Variants in CHD8 observed in about 807,000 individuals in gnomAD.
The protein encoded by CHD8 is chromodomain helicase DNA binding protein 8, also known as ATP-dependent chromatin remodeler CHD8.
Under a neutral mutation model 279.2 loss-of-function variants are expected in CHD8, and 31 were observed. The ratio of observed to expected loss-of-function variants is 0.11; its 90% confidence interval spans 0.08 to 0.15. The LOEUF (loss-of-function observed/expected upper bound fraction) is 0.15. Ranked by LOEUF, CHD8 falls within the 10% of genes least tolerant of loss-of-function variation. CHD8 has a pLI of 1.00. For synonymous variants in CHD8, 1,081 were observed against 1,139.6 expected (o/e 0.95, Z 1.04); for missense variants, 2,146 against 3,230.5 (o/e 0.66, Z 8.14).
chr14:21,392,898 G>A (rs900854746), intron 33 of CHD8, 89 bp from the exon 34 acceptor site: 25 of 1,379,956 alleles, frequency 1.8e-5, no homozygotes, highest in Non-Finnish European at 2.4e-5. Flanking sequence ...TCACTACCAG[G>A]ATGGGTAAAA....
At chr14:21,401,636 G>T in intron 20 of CHD8, 123 bp from the exon 21 acceptor site, 1 of 647,230 alleles carries the variant, frequency 1.5e-6, no homozygotes, top group Non-Finnish European at 2.6e-6. Context: ...CCAGGCTGGG[G>T]TACAGTGGCA....
intron 9 of CHD8, among the ~76,000 whole-genome samples, chr14:21,413,313 C>T (rs1384966968): frequency 1.3e-5 from 2 of 152,040 alleles, no homozygotes; most frequent in Non-Finnish European, 2.9e-5. Flanking sequence ...CGTATATGTT[C>T]CACATTTCAC....
chr14:21,441,700 A>G (rs188980402), intron 1 of CHD8, among the ~76,000 whole-genome samples: 43 of 152,112 alleles, frequency 2.8e-4, no homozygotes, highest in East Asian at 1.4e-3. Context: ...CATCCTGGCT[A>G]ACACGGTGAA....
intron 5 of CHD8, among the ~76,000 whole-genome samples, chr14:21,424,685 A>G (rs966521486): frequency 3.3e-5 from 5 of 152,182 alleles, no homozygotes; most frequent in African/African-American, 1.2e-4. Flanking sequence ...GTTAGCCAGG[A>G]TGGTCTCAAT....
In CHD8 at chr14:21,418,275, T is replaced by C. The variant is rs529874964; in HGVS notation, c.1717-2368A>G. ...GATCACGCCTGTAATCCCAGCACTT[T>C]GGAAGGCCAAGGCGGGCAGATCATT... On this transcript the variant is annotated intron_variant, in intron 5 of 37. Transcript: ENST00000646647. Among the ~76,000 whole-genome samples, 6 of 152,226 alleles carry C rather than the reference T, an allele frequency of 3.9e-5. No individual in the cohort carries two copies. The South Asian group carries it at 6.2e-4, about 16-fold the overall frequency.
intron 1 of CHD8, among the ~76,000 whole-genome samples, chr14:21,448,983 G>A (rs112911903): frequency 0.022 from 3,404 of 151,760 alleles, 129 homozygotes; most frequent in African/African-American, 0.077. Flanking sequence ...GACCATCCTG[G>A]CTAACAAGGT....
rs550595352 is a variant in CHD8 at position 21,394,837 on chromosome 14, C to T, written c.5390+75G>A. On this transcript the variant is annotated intron_variant, in intron 30 of 37. Transcript: ENST00000646647. ...CTCTGTAGAGAATTCCAAATAAATC[C>T]TTCCTGAGATGGCTTTCAGTATAGG... The T allele has an allele frequency of 1.3e-5, 19 of 1,468,788 alleles. No individual in the cohort carries two copies. In the African/African-American group the frequency reaches 2.2e-4, roughly 17 times the overall value. The allele number at this position is 1,468,788 out of a possible 1,614,324, so 91.0% of individuals were successfully genotyped here.
intron 37 of CHD8, among the ~76,000 whole-genome samples, chr14:21,387,983 A>AC (rs1202075204): frequency 6.9e-6 from 1 of 144,078 alleles, no homozygotes. Flanking sequence ...TATAATGTTA[A>AC]ATTAAAGACA....
chr14:21,408,909 C>A lies in CHD8; in HGVS notation c.2365-84G>T. 7.6e-7 allele frequency: 1 copy of A among 1,314,522 alleles called. No individual in the cohort carries two copies. The highest frequency in any genetic ancestry group is 1.4e-5 in the South Asian group (1 of 71,274). The allele number at this position is 1,314,522 out of a possible 1,614,324, so 81.4% of individuals were successfully genotyped here. A position where few individuals can be genotyped will look rare whatever the true frequency, so the allele number is the denominator to read the frequency against. On this transcript the variant is annotated intron_variant, in intron 11 of 37. Transcript: ENST00000646647. This position sits in a 1 kb window ranked among gnomAD's most constrained non-coding sequence, Gnocchi z 4.3. ...CTAGGTAAGTTCTAATAGTTAAAAT[C>A]AATTCAAAACAACATTGTTTGGATT...
rs188927241 is a variant in CHD8, at chr14:21,399,714, A to G, written c.4818-9T>C. On this transcript the variant is annotated splice_polypyrimidine_tract_variant and intron_variant, in intron 25 of 37. Transcript: ENST00000646647. ...ACCATATGTCAATCTCACTAAAGGT[A>G]TAAGAGGGCAGAGTCAGCACAGAAA... The G allele has an allele frequency of 6.4e-6, 10 of 1,566,292 alleles. No individual in the cohort carries two copies. The Admixed American group carries it at 6.7e-5, about 10-fold the overall frequency.
chr14:21,387,640 A>G, intron 37 of CHD8, among the ~76,000 whole-genome samples: 1 of 141,230 alleles, frequency 7.1e-6, no homozygotes. Context: ...CTCTGTATCA[A>G]AAAAAAAAAA....
chr14:21,426,457 A>G (rs1396810722), intron 4 of CHD8: 1 of 480,362 alleles, frequency 2.1e-6, no homozygotes, highest in African/African-American at 2.0e-5. Flanking sequence ...ATATTTGACA[A>G]ATCCTTGTTA....
intron 1 of CHD8, among the ~76,000 whole-genome samples, chr14:21,448,519 T>G (rs1317441915): frequency 6.6e-6 from 1 of 152,180 alleles, no homozygotes; most frequent in Admixed American, 6.5e-5. Flanking sequence ...ACCTGTCTAG[T>G]GCTGTGGTCA....
At chr14:21,449,607 TA>T (rs1411995317) in intron 1 of CHD8, among the ~76,000 whole-genome samples, 1 of 152,236 alleles carries the variant, frequency 6.6e-6, no homozygotes, top group African/African-American at 2.4e-5. Context: ...CACAAGTCTT[TA>T]ACATCATAAC....
intron 1 of CHD8, among the ~76,000 whole-genome samples, chr14:21,441,759 G>A (rs1221266855): frequency 1.3e-5 from 2 of 152,074 alleles, no homozygotes; most frequent in African/African-American, 4.8e-5. Flanking sequence ...CGTGGTGGTG[G>A]GCACCTGTAG....
intron 1 of CHD8, among the ~76,000 whole-genome samples, chr14:21,442,620 G>C (rs1890003666): frequency 7.5e-6 from 1 of 133,756 alleles, no homozygotes; most frequent in East Asian, 2.4e-4. Context: ...GACCCTATCA[G>C]AAAGGAGAAA....
In CHD8 at chr14:21,393,270, A is replaced by G; in HGVS notation, c.6320-16T>C. The G allele has an allele frequency of 6.2e-7, 1 of 1,613,224 alleles. No individual in the cohort carries two copies. Among genetic ancestry groups the G allele is most frequent in the Non-Finnish European group, 8.5e-7 (1 of 1,179,498 alleles). Reference sequence around the variant, plus strand: ...GACTGGTCAGCTGGTAAGAGAGCCCATAGAATGTGTGAGAAAAGATGGAAG... The same window carrying G: ...GACTGGTCAGCTGGTAAGAGAGCCCGTAGAATGTGTGAGAAAAGATGGAAG... On this transcript the variant is annotated splice_polypyrimidine_tract_variant and intron_variant, in intron 32 of 37. Coordinates refer to ENST00000646647, the MANE Select transcript of CHD8 (RefSeq NM_001170629.2).
intron 5 of CHD8, chr14:21,419,720 C>A (rs922798453): frequency 2.9e-5 from 7 of 244,976 alleles, no homozygotes; most frequent in East Asian, 1.3e-4. Flanking sequence ...GACAACCCCC[C>A]AGGGGCACAG....
chr14:21,387,809 C>CA (rs34063784), intron 37 of CHD8, among the ~76,000 whole-genome samples: 4,182 of 76,142 alleles, frequency 0.055, 414 homozygotes, highest in African/African-American at 0.19. Context: ...CTGTCTCAAG[C>CA]AAAAAAAAAA....
Sources: gnomAD v4.1 joint callset for allele counts (sites outside exome capture counted in the v4.1 genomes callset) on GRCh38, gnomAD v4.1.1 for gene constraint, Gnocchi (gnomAD v3.1) non-coding constraint, MANE v1.5 for transcripts, NCBI Gene and HGNC (gene_info 2026-07-23, HGNC 2026-07-21) for gene names.